SRD5A2: variants seen among roughly 807,000 people sequenced by gnomAD.
SRD5A2 encodes steroid 5 alpha-reductase 2.
Under a neutral mutation model 27.4 loss-of-function variants are expected in SRD5A2, and 30 were observed. That is an observed-to-expected ratio of 1.10 (90% CI 0.82 to 1.49). The LOEUF (loss-of-function observed/expected upper bound fraction) is 1.49, where lower values mean the gene tolerates loss of function less well. SRD5A2 is among the 40% of genes most tolerant of loss of function. The pLI, the probability that SRD5A2 is intolerant of heterozygous loss-of-function variation, is 0.00. For missense variants in SRD5A2, 348 were observed against 323.4 expected (o/e 1.08, Z -0.58); for synonymous variants, 141 against 133.6 (o/e 1.06, Z -0.38).
At chr2:31,648,966 A>G in the SRD5A2 span, among the ~76,000 whole-genome samples, 1 of 152,174 alleles carries the variant, frequency 6.6e-6, no homozygotes, top group East Asian at 1.9e-4. Flanking sequence ...TGGAAGCCTT[A>G]TAAGATGTGC....
At chr2:31,639,410 C>G in the SRD5A2 span, among the ~76,000 whole-genome samples, 21 of 152,152 alleles carry the variant, frequency 1.4e-4, no homozygotes, top group Admixed American at 1.3e-3. Context: ...CTGAGTGTGT[C>G]CATGTACTTT....
the SRD5A2 span, among the ~76,000 whole-genome samples, chr2:31,609,322 GA>G: frequency 2.0e-5 from 3 of 148,070 alleles, no homozygotes; most frequent in African/African-American, 4.9e-5. Context: ...TCTTTAAAAA[GA>G]AAAAAAAACT....
At chr2:31,611,918 T>C in the SRD5A2 span, among the ~76,000 whole-genome samples, 4 of 152,108 alleles carry the variant, frequency 2.6e-5, no homozygotes, top group African/African-American at 9.7e-5. Flanking sequence ...ACTATCTGAA[T>C]ATAGGAGAAT....
intron 1 of SRD5A2, among the ~76,000 whole-genome samples, chr2:31,554,955 GT>G (rs1666463308): frequency 6.7e-6 from 1 of 148,658 alleles, no homozygotes; most frequent in Non-Finnish European, 1.5e-5. Context: ...GTGTGTGTGT[GT>G]GTGTGTGTGT....
chr2:31,632,751 CCTTT>C, the SRD5A2 span, among the ~76,000 whole-genome samples: 1 of 152,122 alleles, frequency 6.6e-6, no homozygotes, highest in Non-Finnish European at 1.5e-5. Context: ...TTTTCACATG[CCTTT>C]CTAATTATAC....
chr2:31,637,734 C>T, the SRD5A2 span, among the ~76,000 whole-genome samples: 1 of 152,138 alleles, frequency 6.6e-6, no homozygotes, highest in South Asian at 2.1e-4. Context: ...CTGAGTAAAA[C>T]CAAGAACCCT....
At chr2:31,553,771 T>C (rs1572643936) in intron 1 of SRD5A2, among the ~76,000 whole-genome samples, 1 of 152,142 alleles carries the variant, frequency 6.6e-6, no homozygotes, top group Non-Finnish European at 1.5e-5. Context: ...ATATTAGCTG[T>C]CTGTGGTCCT....
At chr2:31,546,451 T>C (rs1666262670) in intron 1 of SRD5A2, among the ~76,000 whole-genome samples, 1 of 152,202 alleles carries the variant, frequency 6.6e-6, no homozygotes, top group Non-Finnish European at 1.5e-5. Flanking sequence ...CTTGGAATAC[T>C]ATGCAGCCAT....
At chr2:31,655,974 G>A in the SRD5A2 span, among the ~76,000 whole-genome samples, 2 of 152,150 alleles carry the variant, frequency 1.3e-5, no homozygotes, top group East Asian at 1.9e-4. Flanking sequence ...ATCCTCTGAC[G>A]CTGAGAGAGG....
rs775228331 is a variant in SRD5A2, at chr2:31,580,601, C to A, written c.281+19G>T. The A allele has an allele frequency of 9.9e-6, 15 of 1,515,022 alleles. No homozygotes were observed. In the South Asian group the frequency reaches 1.6e-4, roughly 17 times the overall value. The allele number at this position is 1,515,022 out of a possible 1,614,324, so 93.8% of individuals were successfully genotyped here. A position where few individuals can be genotyped will look rare whatever the true frequency, so the allele number is the denominator to read the frequency against. ...AGGGCAGTGCGCTGCACTGGGCGCC[C>A]GCAAGGGAAAAACGCTACCTGTGGA... On this transcript the variant is annotated intron_variant, in intron 1 of 4. Coordinates refer to ENST00000622030, the MANE Select transcript of SRD5A2 (RefSeq NM_000348.4).
At chr2:31,639,499 T>A in the SRD5A2 span, among the ~76,000 whole-genome samples, 3,978 of 152,218 alleles carry the variant, frequency 0.026, 62 homozygotes, top group South Asian at 0.049. Flanking sequence ...ATTGAAGAAC[T>A]CCCTTTAGTA....
chr2:31,617,566 T>C, the SRD5A2 span, among the ~76,000 whole-genome samples: 12 of 150,356 alleles, frequency 8.0e-5, no homozygotes, highest in Non-Finnish European at 1.5e-4. Flanking sequence ...TTCCAAACTT[T>C]CCTGCTCTGC....
chr2:31,559,838 ACACACACACACACAC>A (rs1290301414), intron 1 of SRD5A2, among the ~76,000 whole-genome samples: 24 of 146,202 alleles, frequency 1.6e-4, no homozygotes, highest in Middle Eastern at 3.5e-3. Context: ...AAACAAACCC[ACACACACACACACAC>A]ACACACACAC....
At chr2:31,528,723 C>G (rs1200354015) in intron 4 of SRD5A2, among the ~76,000 whole-genome samples, 1 of 152,012 alleles carries the variant, frequency 6.6e-6, no homozygotes, top group Non-Finnish European at 1.5e-5. Flanking sequence ...GCAAGATCGC[C>G]CCATTGCACT....
the SRD5A2 span, among the ~76,000 whole-genome samples, chr2:31,588,772 T>C: frequency 6.6e-6 from 1 of 152,210 alleles, no homozygotes; most frequent in Admixed American, 6.5e-5. Context: ...AACTGCAGTG[T>C]GTACACTATT....
chr2:31,584,020 G>A (rs544068777), upstream of SRD5A2, among the ~76,000 whole-genome samples: 1 of 152,274 alleles, frequency 6.6e-6, no homozygotes, highest in East Asian at 1.9e-4. Context: ...AGGCTCTGGG[G>A]TACAGCGGCT....
At chr2:31,609,511 G>T in the SRD5A2 span, among the ~76,000 whole-genome samples, 1 of 152,022 alleles carries the variant, frequency 6.6e-6, no homozygotes, top group Admixed American at 6.6e-5. Flanking sequence ...CATTCGATGG[G>T]GAAAGAATAG....
the SRD5A2 span, among the ~76,000 whole-genome samples, chr2:31,590,941 T>C: frequency 5.3e-5 from 8 of 152,152 alleles, no homozygotes; most frequent in Non-Finnish European, 1.5e-5. Context: ...TAATTCAAGA[T>C]GGATTAAAGA....
chr2:31,639,927 T>A, the SRD5A2 span, among the ~76,000 whole-genome samples: 2 of 152,126 alleles, frequency 1.3e-5, no homozygotes, highest in African/African-American at 4.8e-5. Context: ...TTAAATAAGC[T>A]TTCTTCCCCT....
Sources: allele counts gnomAD v4.1 joint callset (sites outside exome capture counted in the v4.1 genomes callset), GRCh38; gene constraint gnomAD v4.1.1; transcripts MANE v1.5; gene names NCBI Gene and HGNC (gene_info 2026-07-23, HGNC 2026-07-21).